Variants in BICD2 observed in about 807,000 individuals in gnomAD.
BICD2 encodes BICD cargo adaptor 2.
BICD2 carries 25 observed loss-of-function variants against 72.9 expected under a neutral mutation model. That is an observed-to-expected ratio of 0.34 (90% CI 0.25 to 0.48). The LOEUF (loss-of-function observed/expected upper bound fraction) is 0.48, where lower values mean the gene tolerates loss of function less well. BICD2 is among the 20% of genes least tolerant of loss of function. The pLI, the probability that BICD2 is intolerant of heterozygous loss-of-function variation, is 0.99. For synonymous variants in BICD2, 501 were observed against 516.1 expected, an observed-to-expected ratio of 0.97 and a Z score of 0.40; for missense variants, 894 against 1,175.2, an observed-to-expected ratio of 0.76 and a Z score of 3.50.
intron 1 of BICD2, among the ~76,000 whole-genome samples, chr9:92,762,231 T>C (rs1269442728): frequency 6.7e-6 from 1 of 150,058 alleles, no homozygotes; most frequent in Non-Finnish European, 1.5e-5. Context: ...TTAAATCTTG[T>C]GGTTTTTTTT....
intron 1 of BICD2, among the ~76,000 whole-genome samples, chr9:92,748,025 G>A (rs1352819398): frequency 6.6e-6 from 1 of 152,224 alleles, no homozygotes; most frequent in Non-Finnish European, 1.5e-5. Flanking sequence ...TATGCCATAT[G>A]TATGAATACG....
chr9:92,713,781 C>T lies in BICD2; in HGVS notation c.*1373G>A, dbSNP rs1048410101. On this transcript the variant is annotated 3_prime_UTR_variant, in exon 7 of 7. Transcript: ENST00000356884. Reference sequence around the variant, plus strand: ...TGAACACGCAGGGGACATACATGGGCGTGTCCTGGAGTCTGGAGGGGACCG... The same window carrying T: ...TGAACACGCAGGGGACATACATGGGTGTGTCCTGGAGTCTGGAGGGGACCG... 24 of 1,246,806 alleles carry T rather than the reference C, an allele frequency of 1.9e-5. No homozygotes were observed. The highest frequency in any genetic ancestry group is 3.3e-4 in the Middle Eastern group (1 of 3,046). The allele number at this position is 1,246,806 out of a possible 1,614,324, so 77.2% of individuals were successfully genotyped here.
intron 1 of BICD2, among the ~76,000 whole-genome samples, chr9:92,733,674 T>C (rs1010044458): frequency 1.3e-5 from 2 of 151,374 alleles, no homozygotes; most frequent in African/African-American, 4.9e-5. Flanking sequence ...ACTATAAAAC[T>C]TTCAGAAGAT....
At chr9:92,755,113 T>A (rs937032962) in intron 1 of BICD2, among the ~76,000 whole-genome samples, 4 of 152,166 alleles carry the variant, frequency 2.6e-5, no homozygotes, top group African/African-American at 7.2e-5. Flanking sequence ...CACCTAGGGG[T>A]AGGTCTCTGA....
At chr9:92,734,138 C>CA (rs964654908) in intron 1 of BICD2, among the ~76,000 whole-genome samples, 2 of 152,164 alleles carry the variant, frequency 1.3e-5, no homozygotes, top group Non-Finnish European at 1.5e-5. Flanking sequence ...AAGCCACACA[C>CA]AAAAGAGTAT....
intron 1 of BICD2, among the ~76,000 whole-genome samples, chr9:92,753,537 T>C (rs1277456010): frequency 6.6e-6 from 1 of 151,956 alleles, no homozygotes; most frequent in African/African-American, 2.4e-5. Flanking sequence ...CACAGTTTTT[T>C]ATTTTATTTT....
rs1853408983 is a variant in BICD2 at position 92,719,396 on chromosome 9, C to T, written c.1249G>A (p.Asp417Asn). The change falls in exon 5 of 7, where the codon GAC becomes AAC. Residue 417 changes from aspartate (D) to asparagine (N), a missense_variant. By Grantham distance (23) the Asp-to-Asn change is conservative (BLOSUM62 1). Transcript: ENST00000356884. ...TAGTAGTCCCCATCCTCATGGCTGT[C>T]ACGGTCCTTCTCGTTGTCCAGGGCT... ...QTALDNEKDR[D>N]SHEDGDYYEV... 1 of 1,614,082 alleles carries T rather than the reference C, an allele frequency of 6.2e-7. No individual in the cohort carries two copies. The highest frequency in any genetic ancestry group is 1.1e-5 in the South Asian group (1 of 91,088).
intron 1 of BICD2, among the ~76,000 whole-genome samples, chr9:92,730,426 A>G (rs1853657421): frequency 6.6e-6 from 1 of 152,266 alleles, no homozygotes; most frequent in South Asian, 2.1e-4. Context: ...ACTGAGCAGG[A>G]CAGTTTCTAA....
At chr9:92,740,603 G>C (rs189961350) in intron 1 of BICD2, among the ~76,000 whole-genome samples, 1 of 151,994 alleles carries the variant, frequency 6.6e-6, no homozygotes, top group African/African-American at 2.4e-5. Flanking sequence ...CTCTCTAGAC[G>C]GGGATTGCAA....
intron 1 of BICD2, among the ~76,000 whole-genome samples, chr9:92,734,562 C>G (rs369741458): frequency 3.9e-5 from 6 of 151,966 alleles, no homozygotes; most frequent in African/African-American, 1.4e-4. Flanking sequence ...TCCCCCACCC[C>G]CAACCCAGGA....
chr9:92,761,822 CA>C (rs1005864500), intron 1 of BICD2, among the ~76,000 whole-genome samples: 1 of 152,224 alleles, frequency 6.6e-6, no homozygotes, highest in African/African-American at 2.4e-5. Flanking sequence ...TTAACTGAGT[CA>C]GGCTCAAGAA....
chr9:92,751,899 G>A (rs1305875336), intron 1 of BICD2, among the ~76,000 whole-genome samples: 6 of 151,572 alleles, frequency 4.0e-5, no homozygotes, highest in Non-Finnish European at 8.8e-5. Flanking sequence ...CCGCCTCCTG[G>A]GTTCAAGTAA....
Position 92,718,533 on chromosome 9 carries a change from C to T in BICD2, c.2106+6G>A, listed in dbSNP as rs201184890. 2.5e-6 allele frequency: 4 copies of T among 1,600,948 alleles called. No homozygotes were observed. In the African/African-American group the frequency reaches 4.0e-5, roughly 16 times the overall value. ...TGACATGTGCCCCTGCTGCCTGGCA[C>T]CTCACCTGCTTGTTGGCCTTGAGCA... On this transcript the variant is annotated splice_donor_region_variant and intron_variant, in intron 5 of 6. Coordinates refer to ENST00000356884, the MANE Select transcript of BICD2 (RefSeq NM_001003800.2).
At chr9:92,741,405 G>T (rs1853894991) in intron 1 of BICD2, among the ~76,000 whole-genome samples, 1 of 152,196 alleles carries the variant, frequency 6.6e-6, no homozygotes, top group Non-Finnish European at 1.5e-5. Context: ...TATGAAACAA[G>T]ATAAGCCAAC....
chr9:92,728,501 C>T (rs1587675146), intron 2 of BICD2, among the ~76,000 whole-genome samples: 1 of 152,346 alleles, frequency 6.6e-6, no homozygotes, highest in South Asian at 2.1e-4. Flanking sequence ...GTGAACAAGG[C>T]AGGGGTGTGG....
chr9:92,757,975 G>A (rs1854295174), intron 1 of BICD2, among the ~76,000 whole-genome samples: 2 of 146,788 alleles, frequency 1.4e-5, no homozygotes, highest in South Asian at 2.2e-4. Context: ...AGGCTGAGGC[G>A]AGTGGATCAT....
At position 92,747,962 on chromosome 9, in the gene BICD2, G is replaced by A. The variant is rs377651424; in HGVS notation, c.240+16543C>T. 6.6e-5 allele frequency among the ~76,000 whole-genome samples: 10 copies of A among 152,360 alleles called. No individual in the cohort carries two copies. In the East Asian group the frequency reaches 1.9e-3, roughly 29 times the overall value. On this transcript the variant is annotated intron_variant, in intron 1 of 6. Transcript: ENST00000356884. The stretch of plus-strand genomic sequence containing the variant: ...TGGCAGGTCAAGGGCATAGCCAGAT[G>A]CTGGGGTGCTGAGAGTGCAGAATAT...
chr9:92,751,711 G>C (rs1854152929), intron 1 of BICD2, among the ~76,000 whole-genome samples: 1 of 152,072 alleles, frequency 6.6e-6, no homozygotes, highest in African/African-American at 2.4e-5. Context: ...ATGGATTACA[G>C]TTCTTACATC....
chr9:92,739,775 G>A (rs911239598), intron 1 of BICD2, among the ~76,000 whole-genome samples: 4 of 152,186 alleles, frequency 2.6e-5, no homozygotes, highest in African/African-American at 7.2e-5. Context: ...GGAGTCAAAG[G>A]GAAATCAGGT....
Sources: allele counts gnomAD v4.1 joint callset (sites outside exome capture counted in the v4.1 genomes callset), GRCh38; gene constraint gnomAD v4.1.1; transcripts MANE v1.5; gene names NCBI Gene and HGNC (gene_info 2026-07-23, HGNC 2026-07-21).